The following ARB2A variants were observed in gnomAD, a reference collection of about 807,000 sequenced individuals.
ARB2A encodes the protein cotranscriptional regulator ARB2A.
the ARB2A span, among the ~76,000 whole-genome samples, chr5:93,968,746 GAAAC>G: frequency 6.6e-6 from 1 of 151,820 alleles, no homozygotes; most frequent in Admixed American, 6.6e-5. Flanking sequence ...ATAAAACAAA[GAAAC>G]AAACAAAAAA....
the ARB2A span, among the ~76,000 whole-genome samples, chr5:93,931,058 TCC>T: frequency 6.6e-6 from 1 of 152,164 alleles, no homozygotes; most frequent in Non-Finnish European, 1.5e-5. Context: ...ACTGTTCAAC[TCC>T]CACTTATGAG....
At chr5:93,639,563 A>G in the ARB2A span, among the ~76,000 whole-genome samples, 1 of 152,292 alleles carries the variant, frequency 6.6e-6, no homozygotes, top group Non-Finnish European at 1.5e-5. Flanking sequence ...AGAAAAATGC[A>G]TTGATTTAAA....
At chr5:94,055,930 A>T in the ARB2A span, 2 of 984,328 alleles carry the variant, frequency 2.0e-6, no homozygotes, top group Non-Finnish European at 2.4e-6. Context: ...ACATCTATAT[A>T]TCACTTTAAA....
the ARB2A span, among the ~76,000 whole-genome samples, chr5:93,883,924 TACACACACACAC>T: frequency 1.0e-4 from 14 of 133,984 alleles, no homozygotes; most frequent in East Asian, 1.5e-3. Flanking sequence ...CACATACACA[TACACACACACAC>T]ACACACACAC....
At chr5:93,962,820 A>G in the ARB2A span, among the ~76,000 whole-genome samples, 2 of 152,150 alleles carry the variant, frequency 1.3e-5, no homozygotes, top group African/African-American at 4.8e-5. Context: ...AGTTTCATAT[A>G]AAGTAAATCT....
At chr5:93,634,228 C>T in the ARB2A span, among the ~76,000 whole-genome samples, 1 of 151,776 alleles carries the variant, frequency 6.6e-6, no homozygotes, top group Non-Finnish European at 1.5e-5. Flanking sequence ...CCTGAAACCC[C>T]GTCTCTACTA....
chr5:93,619,659 C>T, the ARB2A span: 1 of 152,134 alleles, frequency 6.6e-6, no homozygotes, highest in Non-Finnish European at 1.5e-5. Flanking sequence ...GGTAATTAAA[C>T]TTTTCAAGTA....
chr5:94,035,732 C>T, the ARB2A span, among the ~76,000 whole-genome samples: 1 of 152,152 alleles, frequency 6.6e-6, no homozygotes, highest in African/African-American at 2.4e-5. Flanking sequence ...TGGAAACCAT[C>T]ATTCTCAGCA....
the ARB2A span, among the ~76,000 whole-genome samples, chr5:93,707,278 T>C: frequency 2.6e-5 from 4 of 152,208 alleles, no homozygotes; most frequent in Non-Finnish European, 4.4e-5. Context: ...CTTTTCACGA[T>C]GTCCAAAAGC....
the ARB2A span, among the ~76,000 whole-genome samples, chr5:93,650,012 T>C: frequency 1.3e-5 from 2 of 152,050 alleles, no homozygotes; most frequent in African/African-American, 4.8e-5. Flanking sequence ...CAACATATAA[T>C]AAGAACTTAC....
At chr5:94,108,617 T>C in the ARB2A span, among the ~76,000 whole-genome samples, 1 of 152,110 alleles carries the variant, frequency 6.6e-6, no homozygotes, top group African/African-American at 2.4e-5. Context: ...CATGAAAAGA[T>C]GCTTAACATC....
the ARB2A span, among the ~76,000 whole-genome samples, chr5:93,726,323 C>T: frequency 1.3e-5 from 2 of 152,120 alleles, no homozygotes; most frequent in East Asian, 3.9e-4. Context: ...ATACCATGCC[C>T]TACCCCCAAC....
At chr5:93,879,374 T>C in the ARB2A span, among the ~76,000 whole-genome samples, 2 of 152,028 alleles carry the variant, frequency 1.3e-5, no homozygotes, top group Admixed American at 1.3e-4. Flanking sequence ...AGACCATCGA[T>C]ACAAAGTTGT....
chr5:93,795,014 C>G, the ARB2A span, among the ~76,000 whole-genome samples: 1 of 152,018 alleles, frequency 6.6e-6, no homozygotes, highest in Non-Finnish European at 1.5e-5. Context: ...CATAGAGCTC[C>G]CAAGAGATTA....
At chr5:93,741,662 G>C in the ARB2A span, 1 of 1,381,330 alleles carries the variant, frequency 7.2e-7, no homozygotes, top group Non-Finnish European at 9.5e-7. Context: ...CCAGTGGGCG[G>C]AGAAGGCGTT....
At chr5:94,036,109 G>C in the ARB2A span, among the ~76,000 whole-genome samples, 319 of 152,206 alleles carry the variant, frequency 2.1e-3, 2 homozygotes, top group Admixed American at 3.8e-3. Flanking sequence ...GAAGGACAAT[G>C]TACTGACTCT....
At chr5:94,002,460 T>TA in the ARB2A span, among the ~76,000 whole-genome samples, 7 of 152,134 alleles carry the variant, frequency 4.6e-5, no homozygotes, top group South Asian at 1.5e-3. Context: ...TTTTTTTTTT[T>TA]ATGCCAGCAC....
the ARB2A span, among the ~76,000 whole-genome samples, chr5:93,809,916 C>T: frequency 6.6e-6 from 1 of 151,802 alleles, no homozygotes; most frequent in African/African-American, 2.4e-5. Context: ...AAAAGAAAAA[C>T]AATTTTAGAA....
chr5:94,074,138 GA>G, the ARB2A span, among the ~76,000 whole-genome samples: 1 of 152,002 alleles, frequency 6.6e-6, no homozygotes, highest in South Asian at 2.1e-4. Flanking sequence ...ACTTCTTTTC[GA>G]AGTCAAATTA....
Sources: allele counts gnomAD v4.1 joint callset (sites outside exome capture counted in the v4.1 genomes callset), GRCh38; gene constraint gnomAD v4.1.1; transcripts MANE v1.5; gene names NCBI Gene and HGNC (gene_info 2026-07-23, HGNC 2026-07-21).